FRMD3: variants seen among roughly 807,000 people sequenced by gnomAD.
The protein encoded by FRMD3 is FERM domain containing 3.
FRMD3 carries 33 observed loss-of-function variants against 70.2 expected under a neutral mutation model. That is an observed-to-expected ratio of 0.47 (90% CI 0.36 to 0.63). The LOEUF (loss-of-function observed/expected upper bound fraction) is 0.63. Among genes scored for constraint, FRMD3 ranks in the 20% least tolerant of loss-of-function variants. The probability of loss-of-function intolerance (pLI) is 0.00; values close to 1 mark genes in which losing one functional copy is unlikely to be tolerated. For missense variants in FRMD3, 632 were observed against 711.4 expected (o/e 0.89, Z 1.27); for synonymous variants, 279 against 255.9 (o/e 1.09, Z -0.86).
At chr9:83,431,077 T>C (rs148116912) in intron 1 of FRMD3, among the ~76,000 whole-genome samples, 1 of 152,286 alleles carries the variant, frequency 6.6e-6, no homozygotes, top group African/African-American at 2.4e-5. Context: ...AAAACATCCT[T>C]TTAGGTGAGA....
intron 1 of FRMD3, among the ~76,000 whole-genome samples, chr9:83,428,232 G>C (rs1249482315): frequency 6.6e-6 from 1 of 152,054 alleles, no homozygotes; most frequent in Non-Finnish European, 1.5e-5. Context: ...CAAAAAATTA[G>C]CTGGGCATGG....
chr9:83,263,525 A>T (rs1284000256), intron 13 of FRMD3, among the ~76,000 whole-genome samples: 1 of 152,244 alleles, frequency 6.6e-6, no homozygotes, highest in Non-Finnish European at 1.5e-5. Context: ...TTCCCACCAA[A>T]GTCAGGAACA....
intron 6 of FRMD3, among the ~76,000 whole-genome samples, chr9:83,331,010 G>A (rs1836236632): frequency 1.3e-5 from 2 of 152,206 alleles, no homozygotes; most frequent in African/African-American, 2.4e-5. Context: ...GTGGGAATGC[G>A]AAATGCTACA....
chr9:83,299,668 C>A (rs1019106197), intron 10 of FRMD3, among the ~76,000 whole-genome samples: 2 of 152,240 alleles, frequency 1.3e-5, no homozygotes, highest in African/African-American at 4.8e-5. Context: ...CCACGAAGAA[C>A]TCACTGTGCA....
At chr9:83,331,281 G>C (rs1050395727) in intron 6 of FRMD3, among the ~76,000 whole-genome samples, 3 of 152,186 alleles carry the variant, frequency 2.0e-5, no homozygotes, top group Non-Finnish European at 4.4e-5. Flanking sequence ...AAGGAAATGA[G>C]CTCTTAAACC....
chr9:83,357,059 TC>T (rs1477193755), intron 3 of FRMD3, among the ~76,000 whole-genome samples: 5 of 149,832 alleles, frequency 3.3e-5, no homozygotes, highest in Admixed American at 6.7e-5. Context: ...ATTAATTCAT[TC>T]CTTTTTATGG....
intron 1 of FRMD3, among the ~76,000 whole-genome samples, chr9:83,515,677 C>T (rs1435078238): frequency 6.6e-6 from 1 of 152,110 alleles, no homozygotes; most frequent in Non-Finnish European, 1.5e-5. Context: ...TCAGATTCAC[C>T]AAGGTTGAAA....
intron 1 of FRMD3, among the ~76,000 whole-genome samples, chr9:83,419,449 AGTGT>A (rs60945722): frequency 0.01 from 1,511 of 148,480 alleles, 27 homozygotes; most frequent in African/African-American, 0.032. Flanking sequence ...GCTGTGAGAG[AGTGT>A]GTGTGTGTGT....
At chr9:83,510,986 T>C (rs1382552481) in intron 1 of FRMD3, among the ~76,000 whole-genome samples, 1 of 152,254 alleles carries the variant, frequency 6.6e-6, no homozygotes. Flanking sequence ...CGTGGAATTA[T>C]ACACTTTAGG....
At chr9:83,342,346 A>G (rs916814350) in intron 5 of FRMD3, among the ~76,000 whole-genome samples, 3 of 152,180 alleles carry the variant, frequency 2.0e-5, no homozygotes, top group East Asian at 3.8e-4. Flanking sequence ...GGTTTGTTCA[A>G]CTGGAAAAAG....
intron 1 of FRMD3, among the ~76,000 whole-genome samples, chr9:83,430,058 T>G (rs1319468363): frequency 1.3e-5 from 2 of 152,238 alleles, no homozygotes; most frequent in Non-Finnish European, 2.9e-5. Flanking sequence ...AATCACTTAC[T>G]AAAGGCTGTC....
chr9:83,483,490 T>C (rs1048129520), intron 1 of FRMD3, among the ~76,000 whole-genome samples: 3 of 152,230 alleles, frequency 2.0e-5, no homozygotes, highest in African/African-American at 7.2e-5. Flanking sequence ...GCCAGCTATC[T>C]ACACCACTGA....
intron 1 of FRMD3, among the ~76,000 whole-genome samples, chr9:83,490,450 G>A (rs1462841893): frequency 1.3e-5 from 2 of 151,842 alleles, no homozygotes; most frequent in African/African-American, 2.4e-5. Context: ...CACCACACCT[G>A]GCAAATTTTT....
At chr9:83,294,735 C>A (rs1313237058) in intron 12 of FRMD3, among the ~76,000 whole-genome samples, 2 of 152,192 alleles carry the variant, frequency 1.3e-5, no homozygotes, top group Non-Finnish European at 1.5e-5. Context: ...GCCAGATAAT[C>A]TGATTCCTGG....
At chr9:83,565,610 G>A in the FRMD3 span, among the ~76,000 whole-genome samples, 24 of 152,324 alleles carry the variant, frequency 1.6e-4, no homozygotes, top group African/African-American at 5.5e-4. Flanking sequence ...GTAGCGCCCT[G>A]TCAAAATCTG....
At chr9:83,452,181 G>C (rs922937792) in intron 1 of FRMD3, among the ~76,000 whole-genome samples, 6 of 152,122 alleles carry the variant, frequency 3.9e-5, no homozygotes, top group Admixed American at 6.5e-5. Flanking sequence ...TGCGGTAGAC[G>C]CTCCGTATGT....
intron 1 of FRMD3, among the ~76,000 whole-genome samples, chr9:83,440,915 C>T (rs188702746): frequency 1.2e-4 from 19 of 152,290 alleles, no homozygotes; most frequent in South Asian, 6.2e-4. Flanking sequence ...AGGCACAGGA[C>T]GGAATTGTGC....
intron 1 of FRMD3, among the ~76,000 whole-genome samples, chr9:83,449,463 T>G (rs892918154): frequency 6.6e-6 from 1 of 152,202 alleles, no homozygotes; most frequent in Non-Finnish European, 1.5e-5. Context: ...TGTATTTACA[T>G]GAAGAGCCAT....
chr9:83,534,076 C>T (rs1829842990), intron 1 of FRMD3, among the ~76,000 whole-genome samples: 1 of 152,214 alleles, frequency 6.6e-6, no homozygotes, highest in Non-Finnish European at 1.5e-5. Context: ...AGTCAAACCT[C>T]ATCCTCCTAC....
Sources: gnomAD v4.1 joint callset for allele counts (sites outside exome capture counted in the v4.1 genomes callset) on GRCh38, gnomAD v4.1.1 for gene constraint, MANE v1.5 for transcripts, NCBI Gene and HGNC (gene_info 2026-07-23, HGNC 2026-07-21) for gene names.